Variants in LRP1B observed in about 807,000 individuals in gnomAD.
LRP1B encodes LDL receptor related protein 1B, also known as low-density lipoprotein receptor-related protein 1B.
LRP1B carries 217 observed loss-of-function variants against 556.6 expected under a neutral mutation model. That is an observed-to-expected ratio of 0.39 (90% CI 0.35 to 0.44). The LOEUF (loss-of-function observed/expected upper bound fraction) is 0.44, where lower values mean the gene tolerates loss of function less well. Among genes scored for constraint, LRP1B ranks in the 20% least tolerant of loss-of-function variants. The probability of loss-of-function intolerance (pLI) is 1.00; values close to 1 mark genes in which losing one functional copy is unlikely to be tolerated. For missense variants in LRP1B, 5,053 were observed against 5,620.8 expected (o/e 0.90, Z 3.23); for synonymous variants, 2,047 against 1,865.8 (o/e 1.10, Z -2.50).
rs777003033 is a variant in LRP1B, at chr2:140,270,230, TTAAA to T, written c.13247+8_13247+11del. 4.4e-6 allele frequency: 7 copies of T among 1,598,622 alleles called. No individual in the cohort carries two copies. The highest frequency in any genetic ancestry group is 6.0e-6 in the Non-Finnish European group (7 of 1,166,724). On this transcript the variant is annotated splice_region_variant and intron_variant, in intron 86 of 90. Transcript: ENST00000389484. The stretch of plus-strand genomic sequence containing the variant: ...TTATTATAAGATGCCCATGACTTGA[TTAAA>T]TACTCACAGACACACAGGTACATTT...
At chr2:140,788,323 G>C (rs1689981367) in intron 32 of LRP1B, among the ~76,000 whole-genome samples, 1 of 152,160 alleles carries the variant, frequency 6.6e-6, no homozygotes, top group Non-Finnish European at 1.5e-5. Flanking sequence ...ATAAGAATGT[G>C]TGTGGAATTA....
At chr2:141,303,586 A>G (rs189086299) in intron 3 of LRP1B, among the ~76,000 whole-genome samples, 9 of 152,250 alleles carry the variant, frequency 5.9e-5, no homozygotes, top group African/African-American at 1.9e-4. Flanking sequence ...ATGATCTCCA[A>G]TTCTATCTAT....
chr2:140,502,932 A>C, intron 54 of LRP1B, 31 bp downstream of exon 54: 1 of 1,606,084 alleles, frequency 6.2e-7, no homozygotes, highest in Non-Finnish European at 8.5e-7. Flanking sequence ...AACACTTTAG[A>C]GTAAATGCGG....
chr2:141,378,845 T>A (rs189408597), intron 3 of LRP1B, among the ~76,000 whole-genome samples: 1 of 152,062 alleles, frequency 6.6e-6, no homozygotes, highest in Non-Finnish European at 1.5e-5. Context: ...AGCCCAAATA[T>A]GAAGAAGAAT....
At chr2:140,385,825 A>G (rs1425329361) in intron 67 of LRP1B, 68 bp downstream of exon 67, 1 of 1,045,004 alleles carries the variant, frequency 9.6e-7, no homozygotes, top group Non-Finnish European at 1.5e-6. Context: ...TAACAGAACT[A>G]AAAATTGCCA....
At chr2:140,667,638 T>C (rs929295502) in intron 41 of LRP1B, among the ~76,000 whole-genome samples, 3 of 152,244 alleles carry the variant, frequency 2.0e-5, no homozygotes, top group Non-Finnish European at 4.4e-5. Context: ...CCTTTTTCCC[T>C]CCAGTACATA....
chr2:141,533,408 T>C (rs1684959545), intron 2 of LRP1B, among the ~76,000 whole-genome samples: 1 of 152,152 alleles, frequency 6.6e-6, no homozygotes, highest in Non-Finnish European at 1.5e-5. Context: ...TGCTCACATC[T>C]TTTCATGAGA....
chr2:141,603,132 G>C (rs1476951197), intron 2 of LRP1B, among the ~76,000 whole-genome samples: 2 of 152,134 alleles, frequency 1.3e-5, no homozygotes, highest in African/African-American at 4.8e-5. Context: ...GTCACTCTTA[G>C]ATTCCTGGAA....
At chr2:141,975,374 G>A (rs1274543078) in intron 1 of LRP1B, among the ~76,000 whole-genome samples, 3 of 152,008 alleles carry the variant, frequency 2.0e-5, no homozygotes, top group Non-Finnish European at 2.9e-5. Context: ...GTCCTTATCT[G>A]TTGGTAAATT....
At chr2:141,674,080 A>G (rs1690781934) in intron 2 of LRP1B, among the ~76,000 whole-genome samples, 1 of 152,046 alleles carries the variant, frequency 6.6e-6, no homozygotes, top group Non-Finnish European at 1.5e-5. Flanking sequence ...CTCCATTGTT[A>G]ATAGCACATC....
chr2:141,719,058 C>G (rs2105493861), intron 2 of LRP1B, among the ~76,000 whole-genome samples: 1 of 152,104 alleles, frequency 6.6e-6, no homozygotes, highest in African/African-American at 2.4e-5. Context: ...GACTTTCCCC[C>G]CCACCAAGAT....
At chr2:141,978,729 G>T (rs1408972717) in intron 1 of LRP1B, among the ~76,000 whole-genome samples, 4 of 151,998 alleles carry the variant, frequency 2.6e-5, no homozygotes, top group Admixed American at 2.6e-4. Context: ...TCCTGTCACC[G>T]ATTAAAAAAA....
chr2:141,994,742 T>C (rs564786847), intron 1 of LRP1B, among the ~76,000 whole-genome samples: 2 of 152,272 alleles, frequency 1.3e-5, no homozygotes, highest in African/African-American at 4.8e-5. Context: ...ATTGCCCATA[T>C]ATAAAATAAT....
At chr2:140,465,277 C>T (rs1187593185) in intron 60 of LRP1B, among the ~76,000 whole-genome samples, 5 of 152,080 alleles carry the variant, frequency 3.3e-5, no homozygotes, top group Admixed American at 2.6e-4. Flanking sequence ...CCACCACCTC[C>T]CACCAGACCC....
intron 16 of LRP1B, among the ~76,000 whole-genome samples, chr2:140,991,904 T>C (rs377764033): frequency 1.3e-5 from 2 of 152,078 alleles, no homozygotes; most frequent in South Asian, 2.1e-4. Context: ...AGACTAAAAA[T>C]GTAAATACAA....
chr2:141,732,422 CA>C (rs1180482244), intron 2 of LRP1B, among the ~76,000 whole-genome samples: 2 of 152,054 alleles, frequency 1.3e-5, no homozygotes, highest in African/African-American at 2.4e-5. Context: ...AAGTCCATTA[CA>C]TGATGCTAAA....
At position 140,902,915 on chromosome 2, in the gene LRP1B, CT is replaced by C; in HGVS notation, c.3766+4del. On this transcript the variant is annotated splice_donor_region_variant and intron_variant, in intron 23 of 90. Coordinates refer to ENST00000389484, the MANE Select transcript of LRP1B (RefSeq NM_018557.3). ...TATAGCAACACACACAAAATAGTTA[CT>C]TACCAACACTTGTACAACTTTCACC... 1 of 1,611,796 alleles carries C rather than the reference CT, an allele frequency of 6.2e-7. No individual in the cohort carries two copies. Among genetic ancestry groups the C allele is most frequent in the Non-Finnish European group, 8.5e-7 (1 of 1,178,244 alleles).
intron 7 of LRP1B, among the ~76,000 whole-genome samples, chr2:141,158,323 TATA>T (rs1702120124): frequency 6.6e-6 from 1 of 152,212 alleles, no homozygotes; most frequent in Non-Finnish European, 1.5e-5. Flanking sequence ...ACTCAAATCA[TATA>T]ATAAAAAGCA....
rs149193208 is a variant in LRP1B, at chr2:142,006,993, A to C, written c.82+123655T>G. ...AAGACCTGATTTTTTTTTCTCAGTA[A>C]TTAGCTTGTCCTTGTCAAAAACAAA... On this transcript the variant is annotated intron_variant, in intron 1 of 90. Transcript: ENST00000389484. Among the ~76,000 whole-genome samples, 567 of 152,304 alleles carry C rather than the reference A, an allele frequency of 3.7e-3. 4 individuals are homozygous for C. Among genetic ancestry groups the C allele is most frequent in the African/African-American group, 0.012 (507 of 41,582 alleles).
Sources: gnomAD v4.1 joint callset for allele counts (sites outside exome capture counted in the v4.1 genomes callset) on GRCh38, gnomAD v4.1.1 for gene constraint, MANE v1.5 for transcripts, NCBI Gene and HGNC (gene_info 2026-07-23, HGNC 2026-07-21) for gene names.